The following HIPK2 variants were observed in gnomAD, a reference collection of about 807,000 sequenced individuals.
HIPK2 encodes the protein homeodomain interacting protein kinase 2.
In HIPK2, 27 loss-of-function variants were observed where a neutral mutation model predicts 113.7. That is an observed-to-expected ratio of 0.24 (90% CI 0.17 to 0.33). HIPK2 has a LOEUF of 0.33. HIPK2 is among the 10% of genes least tolerant of loss of function. The probability of loss-of-function intolerance (pLI) is 1.00; values close to 1 mark genes in which losing one functional copy is unlikely to be tolerated. For missense variants in HIPK2, 1,257 were observed against 1,588.0 expected, an observed-to-expected ratio of 0.79 and a Z score of 3.54; for synonymous variants, 631 against 642.2, an observed-to-expected ratio of 0.98 and a Z score of 0.26.
intron 11 of HIPK2, 157 bp from the exon 12 acceptor site, chr7:139,597,155 C>A: frequency 3.1e-6 from 1 of 318,054 alleles, no homozygotes; most frequent in Non-Finnish European, 4.5e-6. Context: ...GGAAAGGGAT[C>A]ATTCAGTGAG....
At chr7:139,614,157 C>A (rs1273529277) in intron 8 of HIPK2, 129 bp downstream of exon 8, 3 of 857,496 alleles carry the variant, frequency 3.5e-6, no homozygotes, top group Non-Finnish European at 4.9e-6. Context: ...GTGATACCAG[C>A]GCTCTCACTG....
intron 2 of HIPK2, among the ~76,000 whole-genome samples, chr7:139,653,288 G>A (rs1191115603): frequency 6.6e-6 from 1 of 152,000 alleles, no homozygotes; most frequent in Non-Finnish European, 1.5e-5. Context: ...ATGCCATGGT[G>A]CTGAGGCAGG....
intron 12 of HIPK2, among the ~76,000 whole-genome samples, chr7:139,591,138 T>C (rs1799006797): frequency 6.6e-6 from 1 of 152,236 alleles, no homozygotes; most frequent in Non-Finnish European, 1.5e-5. Context: ...TGAGCCACCA[T>C]GCCTGGCTCC....
chr7:139,689,042 GAA>G (rs1794319142), intron 2 of HIPK2, among the ~76,000 whole-genome samples: 1 of 152,276 alleles, frequency 6.6e-6, no homozygotes, highest in East Asian at 1.9e-4. Flanking sequence ...CTCTCAAAAT[GAA>G]AACTTTCCTA....
chr7:139,736,085 G>A (rs1349552064), intron 1 of HIPK2, among the ~76,000 whole-genome samples: 2 of 152,120 alleles, frequency 1.3e-5, no homozygotes, highest in Non-Finnish European at 2.9e-5. Flanking sequence ...TGGCTGAGAG[G>A]GGAGGGAGGA....
In HIPK2 at chr7:139,716,069, G is replaced by A. The variant is rs375311227; in HGVS notation, c.966C>T (p.His322=). ...TGATGTTTTCTGGTTTGAGGTCAGC[G>A]TGGATAAGACCTAGGCTTTTGAGTT... ...LMKLKSLGLI[H]ADLKPENIML... Residue 322 remains histidine, a synonymous_variant, in exon 2 of 15, where the codon CAC becomes CAT. Coordinates refer to ENST00000406875, the MANE Select transcript of HIPK2 (RefSeq NM_022740.5). This position sits in a 1 kb window ranked among gnomAD's most constrained non-coding sequence, Gnocchi z 9.3. 22 of 1,614,114 alleles carry A rather than the reference G, an allele frequency of 1.4e-5. 1 individual carries two copies. Among genetic ancestry groups the A allele is most frequent in the Middle Eastern group, 1.6e-4 (1 of 6,062 alleles).
intron 2 of HIPK2, among the ~76,000 whole-genome samples, chr7:139,688,126 C>G (rs1208558827): frequency 6.6e-6 from 1 of 152,110 alleles, no homozygotes; most frequent in Non-Finnish European, 1.5e-5. Context: ...ATTGGGCCTG[C>G]AGGGACAATC....
At chr7:139,685,147 A>G (rs1252490187) in intron 2 of HIPK2, among the ~76,000 whole-genome samples, 1 of 152,238 alleles carries the variant, frequency 6.6e-6, no homozygotes, top group Non-Finnish European at 1.5e-5. Context: ...AAGATCATTG[A>G]TGAAGGTGGC....
intron 2 of HIPK2, among the ~76,000 whole-genome samples, chr7:139,676,986 C>T (rs531351873): frequency 2.4e-4 from 37 of 151,782 alleles, no homozygotes; most frequent in Non-Finnish European, 1.5e-4. Context: ...TTCAGCCTCC[C>T]GAGTAGCTGG....
chr7:139,599,060 C>T (rs1799324623), intron 11 of HIPK2, among the ~76,000 whole-genome samples: 1 of 152,192 alleles, frequency 6.6e-6, no homozygotes, highest in Admixed American at 6.5e-5. Flanking sequence ...TTTCTGGTAT[C>T]TGCTTATATG....
intron 2 of HIPK2, among the ~76,000 whole-genome samples, chr7:139,632,207 C>T (rs911613723): frequency 6.6e-6 from 1 of 152,124 alleles, no homozygotes; most frequent in African/African-American, 2.4e-5. Flanking sequence ...TGGCTATTCA[C>T]AGGCATGATC....
chr7:139,668,088 T>C (rs1267768053), intron 2 of HIPK2, among the ~76,000 whole-genome samples: 2 of 145,388 alleles, frequency 1.4e-5, no homozygotes, highest in South Asian at 2.2e-4. Flanking sequence ...ATCAAACCAT[T>C]GCACTCCAGC....
At chr7:139,696,407 A>C (rs916474050) in intron 2 of HIPK2, among the ~76,000 whole-genome samples, 77 of 152,080 alleles carry the variant, frequency 5.1e-4, no homozygotes, top group African/African-American at 1.8e-3. Context: ...ACCCCCCGCC[A>C]CCAATCCCTA....
intron 2 of HIPK2, among the ~76,000 whole-genome samples, chr7:139,691,039 A>G (rs1470568687): frequency 6.6e-6 from 1 of 152,216 alleles, no homozygotes; most frequent in African/African-American, 2.4e-5. Context: ...TGTATTTGAC[A>G]TAAAAAACAG....
Position 139,563,159 on chromosome 7 carries a change from TGTTA to T in HIPK2, c.*9764_*9767del, listed in dbSNP as rs970531890. On this transcript the variant is annotated 3_prime_UTR_variant, in exon 15 of 15. Coordinates refer to ENST00000406875, the MANE Select transcript of HIPK2 (RefSeq NM_022740.5). The stretch of plus-strand genomic sequence containing the variant: ...GCGGGGGTGTGCTCTCTGTTCCATT[TGTTA>T]GTTACAGGAAGCTACCAAGGATGCA... 2.6e-5 allele frequency: 4 copies of T among 152,294 alleles called. No homozygotes were observed. The highest frequency in any genetic ancestry group is 7.2e-5 in the African/African-American group (3 of 41,434). The allele number at this position is 152,294 out of a possible 1,614,324, so 9.4% of individuals were successfully genotyped here.
At chr7:139,593,640 A>C (rs1399522297) in intron 12 of HIPK2, among the ~76,000 whole-genome samples, 1 of 152,206 alleles carries the variant, frequency 6.6e-6, no homozygotes, top group African/African-American at 2.4e-5. Flanking sequence ...CTGGCTGCCA[A>C]GCTGAGGCTG....
intron 1 of HIPK2, among the ~76,000 whole-genome samples, chr7:139,760,005 GT>G (rs200764109): frequency 3.8e-4 from 54 of 143,540 alleles, no homozygotes; most frequent in Admixed American, 9.0e-4. Flanking sequence ...CTACCTAGTT[GT>G]TTTTTTTTTT....
In HIPK2 at chr7:139,564,540, C is replaced by G. The variant is rs1798038032; in HGVS notation, c.*8387G>C. The G allele has an allele frequency of 6.6e-6, 1 of 152,198 alleles. No individual in the cohort carries two copies. Among genetic ancestry groups the G allele is most frequent in the Non-Finnish European group, 1.5e-5 (1 of 68,056 alleles). 9.4% of individuals were successfully genotyped at this position (152,198 alleles called of 1,614,324 possible). On this transcript the variant is annotated 3_prime_UTR_variant, in exon 15 of 15. Transcript: ENST00000406875. ...CTTCGCATCTGGCCCGGGCTGCGGA[C>G]TCACACCTTTTCCCTCCATCTGGAT...
At position 139,569,621 on chromosome 7, in the gene HIPK2, C is replaced by G. The variant is rs557525331; in HGVS notation, c.*3306G>C. The G allele has an allele frequency of 6.6e-6, 1 of 152,128 alleles. No homozygotes were observed. The highest frequency in any genetic ancestry group is 1.5e-5 in the Non-Finnish European group (1 of 68,028). 9.4% of individuals were successfully genotyped at this position (152,128 alleles called of 1,614,324 possible). A position where few individuals can be genotyped will look rare whatever the true frequency, so the allele number is the denominator to read the frequency against. On this transcript the variant is annotated 3_prime_UTR_variant, in exon 15 of 15. Transcript: ENST00000406875. ...ACAACCTTGATGGTGACCATGTTGTCAGAAGCCCAATCAAGGCTTTGATTC... is the reference window on the plus strand; with the variant it reads ...ACAACCTTGATGGTGACCATGTTGTGAGAAGCCCAATCAAGGCTTTGATTC...
Sources: gnomAD v4.1 joint callset for allele counts (sites outside exome capture counted in the v4.1 genomes callset) on GRCh38, gnomAD v4.1.1 for gene constraint, Gnocchi (gnomAD v3.1) non-coding constraint, MANE v1.5 for transcripts, NCBI Gene and HGNC (gene_info 2026-07-23, HGNC 2026-07-21) for gene names.